KLF12: variants seen among roughly 807,000 people sequenced by gnomAD.
KLF12 encodes Krueppel-like factor 12.
Under a neutral mutation model 37.8 loss-of-function variants are expected in KLF12, and 9 were observed. The observed-to-expected ratio is 0.24, with a 90% CI of 0.14 to 0.42. The LOEUF (loss-of-function observed/expected upper bound fraction) is 0.42. Among genes scored for constraint, KLF12 ranks in the 10% least tolerant of loss-of-function variants. The probability of loss-of-function intolerance (pLI) is 1.00; values close to 1 mark genes in which losing one functional copy is unlikely to be tolerated. For synonymous variants in KLF12, 208 were observed against 202.1 expected, an observed-to-expected ratio of 1.03 and a Z score of -0.25; for missense variants, 411 against 516.0, an observed-to-expected ratio of 0.80 and a Z score of 1.97.
chr13:73,738,735 T>A (rs1877719767), intron 6 of KLF12, among the ~76,000 whole-genome samples: 1 of 152,088 alleles, frequency 6.6e-6, no homozygotes, highest in South Asian at 2.1e-4. Flanking sequence ...ACAAAGACCA[T>A]GATAAACATA....
intron 2 of KLF12, among the ~76,000 whole-genome samples, chr13:73,952,731 T>A (rs1198422233): frequency 6.6e-6 from 1 of 152,168 alleles, no homozygotes; most frequent in Non-Finnish European, 1.5e-5. Flanking sequence ...GGGCATCACA[T>A]AACAGGTGGT....
chr13:73,958,077 G>C (rs919094875), intron 2 of KLF12, among the ~76,000 whole-genome samples: 3 of 152,132 alleles, frequency 2.0e-5, no homozygotes, highest in African/African-American at 7.2e-5. Flanking sequence ...GCCACTTGTT[G>C]CAACTACTGA....
intron 3 of KLF12, among the ~76,000 whole-genome samples, chr13:73,904,971 A>G (rs1474310048): frequency 6.6e-6 from 1 of 151,560 alleles, no homozygotes; most frequent in Non-Finnish European, 1.5e-5. Flanking sequence ...AAAAAAAAAA[A>G]TCATCTAAAA....
At chr13:74,301,841 A>G in the KLF12 span, among the ~76,000 whole-genome samples, 21 of 152,048 alleles carry the variant, frequency 1.4e-4, no homozygotes, top group African/African-American at 4.3e-4. Context: ...GCCCGCCCCA[A>G]TTTTCATTTG....
the KLF12 span, among the ~76,000 whole-genome samples, chr13:74,225,329 T>A: frequency 6.6e-6 from 1 of 152,166 alleles, no homozygotes; most frequent in African/African-American, 2.4e-5. Context: ...AAGCAGAGTT[T>A]TGATTTCACA....
At chr13:74,214,191 A>C in the KLF12 span, among the ~76,000 whole-genome samples, 2 of 152,272 alleles carry the variant, frequency 1.3e-5, no homozygotes, top group East Asian at 3.9e-4. Context: ...GACACTTTTG[A>C]ATCTTAGTTT....
At position 73,934,691 on chromosome 13, in the gene KLF12, GT is replaced by G. The variant is rs1889844556; in HGVS notation, c.123+9289del. Among the ~76,000 whole-genome samples, 5 of 152,024 alleles carry G rather than the reference GT, an allele frequency of 3.3e-5. No homozygotes were observed. In the South Asian group the frequency reaches 1.0e-3, roughly 32 times the overall value. On this transcript the variant is annotated intron_variant, in intron 3 of 7. Transcript: ENST00000377669. ...GTTTCTAGCAATTTGATTATTCTGTGTTTTAGTGCCATTTATTCTGCTTGGG... is the reference window on the plus strand; with the variant it reads ...GTTTCTAGCAATTTGATTATTCTGTGTTTAGTGCCATTTATTCTGCTTGGG...
chr13:74,080,549 T>C (rs145018038), intron 1 of KLF12, among the ~76,000 whole-genome samples: 296 of 151,282 alleles, frequency 2.0e-3, no homozygotes, highest in African/African-American at 4.8e-3. Flanking sequence ...AACGTATATG[T>C]TAGATAAGTA....
chr13:74,131,762 T>C (rs933384496), intron 1 of KLF12, among the ~76,000 whole-genome samples: 1 of 152,354 alleles, frequency 6.6e-6, no homozygotes, highest in Non-Finnish European at 1.5e-5. Flanking sequence ...TTCAAAATTA[T>C]GAAAATTTTA....
rs1444016344 is a variant in KLF12 at position 73,845,956 on chromosome 13, T to A, written c.541A>T (p.Ser181Cys). The A allele has an allele frequency of 6.2e-7, 1 of 1,614,154 alleles. No homozygotes were observed. Among genetic ancestry groups the A allele is most frequent in the Non-Finnish European group, 8.5e-7 (1 of 1,180,006 alleles). The stretch of plus-strand genomic sequence containing the variant: ...ACCACGGGGATGCGGTGAACATGAC[T>A]CAGTTTGTTAGACTGTAAATTCATG... Residue 181 changes from serine to cysteine, a missense_variant, in exon 4 of 8, where the codon AGT becomes TGT. By Grantham distance (112) the Ser-to-Cys change is moderately radical. Coordinates refer to ENST00000377669, the MANE Select transcript of KLF12 (RefSeq NM_007249.5).
chr13:74,218,545 A>G, the KLF12 span, among the ~76,000 whole-genome samples: 1 of 152,138 alleles, frequency 6.6e-6, no homozygotes, highest in Non-Finnish European at 1.5e-5. Flanking sequence ...TCCATTTTCT[A>G]TGCTGTGCAA....
At chr13:74,033,665 G>T (rs1428481763) in intron 1 of KLF12, among the ~76,000 whole-genome samples, 1 of 152,096 alleles carries the variant, frequency 6.6e-6, no homozygotes, top group Admixed American at 6.5e-5. Context: ...TTCTATCAAT[G>T]TGCCACATTT....
chr13:73,897,973 G>T (rs926158276), intron 3 of KLF12, among the ~76,000 whole-genome samples: 4 of 152,116 alleles, frequency 2.6e-5, no homozygotes, highest in African/African-American at 9.7e-5. Context: ...TGAACTTTAA[G>T]TTCTTCAAGA....
intron 4 of KLF12, among the ~76,000 whole-genome samples, chr13:73,819,169 G>A (rs2138487947): frequency 6.6e-6 from 1 of 152,224 alleles, no homozygotes; most frequent in East Asian, 1.9e-4. Context: ...ATGACTTCTG[G>A]CCCTGTCATT....
chr13:73,923,033 C>A (rs562228624), intron 3 of KLF12, among the ~76,000 whole-genome samples: 3 of 152,170 alleles, frequency 2.0e-5, no homozygotes, highest in African/African-American at 7.2e-5. Flanking sequence ...GATGTGGAAT[C>A]TTTGGAGATG....
chr13:74,208,082 G>T, the KLF12 span, among the ~76,000 whole-genome samples: 1 of 152,184 alleles, frequency 6.6e-6, no homozygotes, highest in Non-Finnish European at 1.5e-5. Context: ...TAAGTTCAAA[G>T]AAGTTAATTC....
At chr13:73,981,594 T>C (rs1269130656) in intron 2 of KLF12, among the ~76,000 whole-genome samples, 1 of 152,146 alleles carries the variant, frequency 6.6e-6, no homozygotes, top group Non-Finnish European at 1.5e-5. Flanking sequence ...TACTTATATA[T>C]GATGAAAAGA....
chr13:73,950,049 A>T (rs1487998975), intron 2 of KLF12, among the ~76,000 whole-genome samples: 2 of 152,306 alleles, frequency 1.3e-5, no homozygotes, highest in East Asian at 3.9e-4. Flanking sequence ...ATTGAAGCAT[A>T]TGGAACAGTA....
At chr13:74,212,836 A>G in the KLF12 span, among the ~76,000 whole-genome samples, 1 of 152,126 alleles carries the variant, frequency 6.6e-6, no homozygotes, top group Non-Finnish European at 1.5e-5. Flanking sequence ...AGGTAATTTA[A>G]ACATAAATTA....
Sources: allele counts gnomAD v4.1 joint callset (sites outside exome capture counted in the v4.1 genomes callset), GRCh38; gene constraint gnomAD v4.1.1; transcripts MANE v1.5; gene names NCBI Gene and HGNC (gene_info 2026-07-23, HGNC 2026-07-21).